The following PPP1R12B variants were observed in gnomAD, a reference collection of about 807,000 sequenced individuals.
PPP1R12B encodes the protein myosin phosphatase target subunit 2.
Under a neutral mutation model 126.1 loss-of-function variants are expected in PPP1R12B, and 76 were observed. The observed-to-expected ratio is 0.60, with a 90% CI of 0.50 to 0.73. The LOEUF is 0.73. Ranked by LOEUF, PPP1R12B falls within the 30% of genes least tolerant of loss-of-function variation. PPP1R12B has a pLI of 0.00. For synonymous variants in PPP1R12B, 356 were observed against 434.7 expected (o/e 0.82, Z 2.25); for missense variants, 1,052 against 1,205.1 (o/e 0.87, Z 1.88).
intron 13 of PPP1R12B, among the ~76,000 whole-genome samples, chr1:202,464,002 T>C (rs1674657218): frequency 6.6e-6 from 1 of 152,198 alleles, no homozygotes. Context: ...TGTCCATGCG[T>C]GACCTTCTTT....
chr1:202,536,560 ATT>A (rs1008149216), intron 18 of PPP1R12B, among the ~76,000 whole-genome samples: 1 of 152,202 alleles, frequency 6.6e-6, no homozygotes, highest in Non-Finnish European at 1.5e-5. Flanking sequence ...ACTATAGACT[ATT>A]AACACTGTGC....
chr1:202,411,256 CCTT>C (rs1361977066), intron 1 of PPP1R12B, among the ~76,000 whole-genome samples: 1 of 149,562 alleles, frequency 6.7e-6, no homozygotes, highest in Admixed American at 6.7e-5. Flanking sequence ...TAGTCATATT[CCTT>C]CTTCTGGAGG....
chr1:202,511,255 C>T (rs913680519), intron 18 of PPP1R12B, among the ~76,000 whole-genome samples: 3 of 150,936 alleles, frequency 2.0e-5, no homozygotes, highest in Non-Finnish European at 4.4e-5. Context: ...CTCCTTCTGT[C>T]GCCCAGGCTG....
Position 202,481,496 on chromosome 1 carries a change from A to G in PPP1R12B, c.1851-7037A>G, listed in dbSNP as rs954405465. On this transcript the variant is annotated intron_variant, in intron 13 of 23. Transcript: ENST00000608999. ...AAGAAATTTATGAAAATGTAAAACA[A>G]TGCCACTCTTCTAATTTTTTGTTTT... is the stretch of plus-strand genomic sequence containing the variant. 7.8e-4 allele frequency among the ~76,000 whole-genome samples: 118 copies of G among 152,160 alleles called. 2 individuals are homozygous for G. The highest frequency in any genetic ancestry group is 9.2e-4 in the Admixed American group (14 of 15,282).
intron 19 of PPP1R12B, 27 bp downstream of exon 19, chr1:202,558,920 A>G (rs752789507): frequency 4.4e-6 from 7 of 1,578,440 alleles, no homozygotes; most frequent in South Asian, 3.5e-5. Flanking sequence ...TTATATATGC[A>G]TGCTTAATAC....
intron 1 of PPP1R12B, among the ~76,000 whole-genome samples, chr1:202,398,160 C>G (rs1571820589): frequency 6.6e-6 from 1 of 152,264 alleles, no homozygotes; most frequent in Non-Finnish European, 1.5e-5. Context: ...AGTATATGAT[C>G]TCATGCTCTG....
chr1:202,450,404 C>T (rs924502020), intron 13 of PPP1R12B, among the ~76,000 whole-genome samples: 5 of 152,106 alleles, frequency 3.3e-5, no homozygotes, highest in Non-Finnish European at 5.9e-5. Flanking sequence ...TGTGACCGAG[C>T]AAGAATGGGT....
At chr1:202,397,081 C>T (rs758984568) in intron 1 of PPP1R12B, among the ~76,000 whole-genome samples, 3 of 152,228 alleles carry the variant, frequency 2.0e-5, no homozygotes, top group Admixed American at 6.5e-5. Context: ...TCCTGGCTTC[C>T]ATCTATCACT....
chr1:202,355,727 A>G (rs1656950924), intron 1 of PPP1R12B, among the ~76,000 whole-genome samples: 1 of 152,236 alleles, frequency 6.6e-6, no homozygotes. Flanking sequence ...ATGGAGAGAC[A>G]GAGTTGAGAG....
intron 14 of PPP1R12B, among the ~76,000 whole-genome samples, chr1:202,491,049 A>G (rs1678798243): frequency 6.6e-6 from 1 of 152,184 alleles, no homozygotes. Context: ...TGTTTTCCTT[A>G]GCGGCTGTAC....
chr1:202,580,446 A>G, intron 23 of PPP1R12B, 28 bp from the exon 24 acceptor site: 1 of 1,589,994 alleles, frequency 6.3e-7, no homozygotes, highest in Non-Finnish European at 8.6e-7. Flanking sequence ...CCAGGCTCTA[A>G]CTCACCTTTC....
rs567428067 is a variant in PPP1R12B, at chr1:202,391,565, G to C, written c.292-25222G>C. Among the ~76,000 whole-genome samples the C allele has an allele frequency of 5.3e-5, 8 of 149,992 alleles. No individual in the cohort carries two copies. The East Asian group carries it at 1.6e-3, about 29-fold the overall frequency. Reference sequence around the variant, plus strand: ...TGTCCATACCAGCAATTCTACTCAGGTGTATTGAAGATAAATGAATTATCT... The same window carrying C: ...TGTCCATACCAGCAATTCTACTCAGCTGTATTGAAGATAAATGAATTATCT... On this transcript the variant is annotated intron_variant, in intron 1 of 23. Coordinates refer to ENST00000608999, the MANE Select transcript of PPP1R12B (RefSeq NM_002481.4).
At chr1:202,480,284 T>C (rs914585609) in intron 13 of PPP1R12B, among the ~76,000 whole-genome samples, 4 of 152,130 alleles carry the variant, frequency 2.6e-5, no homozygotes, top group Non-Finnish European at 5.9e-5. Context: ...AAATGATTAG[T>C]GAACTGAAAG....
chr1:202,424,698 T>C (rs998825449), intron 3 of PPP1R12B, among the ~76,000 whole-genome samples: 2 of 152,122 alleles, frequency 1.3e-5, no homozygotes, highest in African/African-American at 4.8e-5. Context: ...TTTGAATGGG[T>C]ATGTTTGTAT....
chr1:202,506,078 G>A (rs888832802), intron 18 of PPP1R12B, among the ~76,000 whole-genome samples: 22 of 152,274 alleles, frequency 1.4e-4, no homozygotes, highest in African/African-American at 5.1e-4. Context: ...AATTGATGAC[G>A]ATGCGCAGTC....
intron 18 of PPP1R12B, among the ~76,000 whole-genome samples, chr1:202,509,568 T>G (rs1158743754): frequency 6.6e-6 from 1 of 152,216 alleles, no homozygotes; most frequent in African/African-American, 2.4e-5. Flanking sequence ...ATTTAGCTTT[T>G]GTAGATTATG....
chr1:202,500,218 GCTCTCT>G (rs151303629), intron 18 of PPP1R12B, among the ~76,000 whole-genome samples: 16 of 146,156 alleles, frequency 1.1e-4, no homozygotes, highest in African/African-American at 1.5e-4. Context: ...TCTCTCTCTT[GCTCTCT>G]CTCTCTCTCT....
chr1:202,411,225 T>G (rs1239993872), intron 1 of PPP1R12B, among the ~76,000 whole-genome samples: 1 of 151,478 alleles, frequency 6.6e-6, no homozygotes, highest in Non-Finnish European at 1.5e-5. Context: ...TCATCCATGC[T>G]TTAGTCTCTC....
intron 18 of PPP1R12B, chr1:202,540,241 A>G (rs1203328170): frequency 6.3e-7 from 1 of 1,582,878 alleles, no homozygotes; most frequent in Non-Finnish European, 8.7e-7. Flanking sequence ...AGACGCTCCG[A>G]GTAAGCAGCA....
Sources: allele counts gnomAD v4.1 joint callset (sites outside exome capture counted in the v4.1 genomes callset), GRCh38; gene constraint gnomAD v4.1.1; transcripts MANE v1.5; gene names NCBI Gene and HGNC (gene_info 2026-07-23, HGNC 2026-07-21).